The following MDGA2 variants were observed in gnomAD, a reference collection of about 807,000 sequenced individuals.
MDGA2 encodes the protein MAM domain containing glycosylphosphatidylinositol anchor 2.
MDGA2 carries 40 observed loss-of-function variants against 117.8 expected under a neutral mutation model. That is an observed-to-expected ratio of 0.34 (90% CI 0.26 to 0.44). MDGA2 has a LOEUF of 0.44. Ranked by LOEUF, MDGA2 falls within the 20% of genes least tolerant of loss-of-function variation. The pLI, the probability that MDGA2 is intolerant of heterozygous loss-of-function variation, is 1.00. For synonymous variants in MDGA2, 452 were observed against 439.0 expected, an observed-to-expected ratio of 1.03 and a Z score of -0.37; for missense variants, 1,123 against 1,250.6, an observed-to-expected ratio of 0.90 and a Z score of 1.54.
intron 2 of MDGA2, among the ~76,000 whole-genome samples, chr14:47,281,887 T>C (rs535746963): frequency 1.3e-5 from 2 of 152,002 alleles, no homozygotes; most frequent in African/African-American, 4.8e-5. Context: ...TGAAACTCCA[T>C]CTCTACTAAA....
At chr14:47,401,052 C>T (rs1298994735) in intron 1 of MDGA2, among the ~76,000 whole-genome samples, 4 of 151,556 alleles carry the variant, frequency 2.6e-5, no homozygotes, top group East Asian at 3.9e-4. Context: ...CCACCGTGCC[C>T]GGCCGGCATT....
chr14:47,537,458 T>TA (rs1235414058), intron 1 of MDGA2, among the ~76,000 whole-genome samples: 3 of 147,548 alleles, frequency 2.0e-5, no homozygotes, highest in Admixed American at 6.8e-5. Context: ...AGTATAATAA[T>TA]AAAAAAAAAT....
At chr14:47,658,256 G>C (rs1373424372) in intron 1 of MDGA2, among the ~76,000 whole-genome samples, 1 of 152,050 alleles carries the variant, frequency 6.6e-6, no homozygotes, top group Admixed American at 6.6e-5. Context: ...GAAGAACTCT[G>C]GCACCCCAGT....
intron 7 of MDGA2, among the ~76,000 whole-genome samples, chr14:47,038,630 G>T (rs7147441): frequency 0.094 from 14,292 of 152,024 alleles, 665 homozygotes; most frequent in Non-Finnish European, 0.11. Context: ...CTAGCTAAAA[G>T]ATTATTTAAT....
At chr14:47,016,862 G>A (rs562986348) in intron 8 of MDGA2, among the ~76,000 whole-genome samples, 37 of 151,984 alleles carry the variant, frequency 2.4e-4, no homozygotes, top group African/African-American at 7.5e-4. Context: ...ATTATGGAGC[G>A]TTTATGCAAC....
chr14:47,451,826 C>A (rs527406053), intron 1 of MDGA2, among the ~76,000 whole-genome samples: 94 of 152,062 alleles, frequency 6.2e-4, no homozygotes, highest in African/African-American at 2.2e-3. Flanking sequence ...CACACTGACA[C>A]AAATTAAGCA....
chr14:47,471,367 C>T (rs11157560), intron 1 of MDGA2, among the ~76,000 whole-genome samples: 112,961 of 151,824 alleles, frequency 0.74, 42,515 homozygotes, highest in East Asian at 1. Flanking sequence ...ATTTAAAAAA[C>T]AGCACTTTAT....
At chr14:47,126,011 G>T (rs938194644) in intron 5 of MDGA2, among the ~76,000 whole-genome samples, 1 of 151,706 alleles carries the variant, frequency 6.6e-6, no homozygotes, top group Non-Finnish European at 1.5e-5. Context: ...CATAATATAA[G>T]AAATTTAAAA....
At chr14:47,480,115 C>A (rs780176869) in intron 1 of MDGA2, among the ~76,000 whole-genome samples, 12 of 152,032 alleles carry the variant, frequency 7.9e-5, no homozygotes, top group Non-Finnish European at 1.5e-4. Flanking sequence ...AATTATTTCA[C>A]ACCTAAGTTT....
At chr14:47,000,584 A>G (rs1887496382) in intron 8 of MDGA2, among the ~76,000 whole-genome samples, 1 of 151,044 alleles carries the variant, frequency 6.6e-6, no homozygotes, top group Non-Finnish European at 1.5e-5. Context: ...AGCAAATGGC[A>G]TAGAATGATT....
At chr14:47,291,844 G>A (rs1175716524) in intron 2 of MDGA2, among the ~76,000 whole-genome samples, 1 of 152,148 alleles carries the variant, frequency 6.6e-6, no homozygotes, top group Admixed American at 6.5e-5. Flanking sequence ...TCATCTCTAG[G>A]TTACCAAGAC....
intron 1 of MDGA2, among the ~76,000 whole-genome samples, chr14:47,629,098 C>T (rs1897207192): frequency 1.3e-5 from 2 of 152,196 alleles, no homozygotes; most frequent in Admixed American, 6.5e-5. Context: ...ACCTCCATCT[C>T]AGGGCCCGCC....
chr14:47,306,395 T>G (rs1034546791), intron 1 of MDGA2, among the ~76,000 whole-genome samples: 1 of 152,306 alleles, frequency 6.6e-6, no homozygotes. Context: ...TGGAGGGTTG[T>G]TGGCATGAGG....
At chr14:47,401,698 T>C (rs548687335) in intron 1 of MDGA2, among the ~76,000 whole-genome samples, 1 of 152,278 alleles carries the variant, frequency 6.6e-6, no homozygotes, top group East Asian at 1.9e-4. Context: ...CTCAATCAGA[T>C]CAATTCACTC....
At chr14:47,049,193 C>T (rs1221574715) in intron 7 of MDGA2, among the ~76,000 whole-genome samples, 1 of 152,024 alleles carries the variant, frequency 6.6e-6, no homozygotes, top group Non-Finnish European at 1.5e-5. Context: ...TAGACATCGA[C>T]ATTTAAACTG....
At chr14:47,250,666 G>A (rs1382114708) in intron 2 of MDGA2, among the ~76,000 whole-genome samples, 1 of 152,130 alleles carries the variant, frequency 6.6e-6, no homozygotes, top group African/African-American at 2.4e-5. Context: ...CCAGCCTCCG[G>A]CACTGTGAGA....
chr14:47,227,311 T>C (rs1202330260), intron 2 of MDGA2, among the ~76,000 whole-genome samples: 1 of 152,140 alleles, frequency 6.6e-6, no homozygotes, highest in African/African-American at 2.4e-5. Flanking sequence ...TATTGTGGGA[T>C]ATGAAAGCCC....
intron 1 of MDGA2, among the ~76,000 whole-genome samples, chr14:47,317,773 G>A (rs1170324450): frequency 6.6e-6 from 1 of 152,058 alleles, no homozygotes; most frequent in African/African-American, 2.4e-5. Context: ...ATCACGTTTA[G>A]AATGGCCCAG....
chr14:47,125,371 C>T (rs921206090), intron 5 of MDGA2, among the ~76,000 whole-genome samples: 1 of 152,052 alleles, frequency 6.6e-6, no homozygotes, highest in African/African-American at 2.4e-5. Context: ...TTCCTCTAAA[C>T]ATGAAGAGAA....
Sources: gnomAD v4.1 joint callset for allele counts (sites outside exome capture counted in the v4.1 genomes callset) on GRCh38, gnomAD v4.1.1 for gene constraint, MANE v1.5 for transcripts, NCBI Gene and HGNC (gene_info 2026-07-23, HGNC 2026-07-21) for gene names.